RGS7: variants seen among roughly 807,000 people sequenced by gnomAD.
RGS7 encodes the protein regulator of G-protein signaling 7.
A neutral mutation model predicts 81.1 loss-of-function variants in RGS7; 27 were observed. That is an observed-to-expected ratio of 0.33 (90% CI 0.25 to 0.46). The LOEUF (loss-of-function observed/expected upper bound fraction) is 0.46. RGS7 is among the 20% of genes least tolerant of loss of function. RGS7 has a pLI of 1.00. For synonymous variants in RGS7, 208 were observed against 207.7 expected (o/e 1.00, Z -0.01); for missense variants, 396 against 607.4 (o/e 0.65, Z 3.66).
At chr1:241,125,804 G>A (rs1459900472) in intron 2 of RGS7, among the ~76,000 whole-genome samples, 3 of 152,188 alleles carry the variant, frequency 2.0e-5, no homozygotes, top group African/African-American at 7.2e-5. Context: ...GATCAGGGCA[G>A]GCATACATTA....
rs148843941 is a variant in RGS7, at chr1:241,329,383, T to C, written c.78+26316A>G. 2.5e-4 allele frequency among the ~76,000 whole-genome samples: 38 copies of C among 152,266 alleles called. No individual in the cohort carries two copies. In the East Asian group the frequency reaches 5.0e-3, roughly 20 times the overall value. On this transcript the variant is annotated intron_variant, in intron 2 of 18. Transcript: ENST00000440928. ...GTCAATAAGATCAGAACATGTACAA[T>C]AGTCAGTTGGTTGCTTACGGAGTTT...
intron 3 of RGS7, among the ~76,000 whole-genome samples, chr1:241,025,344 T>C (rs2059732085): frequency 6.6e-6 from 1 of 152,252 alleles, no homozygotes; most frequent in Non-Finnish European, 1.5e-5. Context: ...CACAGATCCA[T>C]GGGCTTTATA....
intron 4 of RGS7, among the ~76,000 whole-genome samples, chr1:240,950,071 C>A (rs547601098): frequency 2.0e-4 from 31 of 152,244 alleles, no homozygotes; most frequent in African/African-American, 6.7e-4. Flanking sequence ...GATCTACTTA[C>A]TTGGAGCAGA....
At chr1:241,278,640 T>G (rs548245800) in intron 2 of RGS7, among the ~76,000 whole-genome samples, 1 of 152,104 alleles carries the variant, frequency 6.6e-6, no homozygotes, top group Non-Finnish European at 1.5e-5. Flanking sequence ...ACCCACTGAG[T>G]ATCCCTTTTC....
At chr1:240,859,440 G>GTTTTTTTTTTTTTTTTTCTTT (rs1661754824) in intron 9 of RGS7, among the ~76,000 whole-genome samples, 1 of 110,828 alleles carries the variant, frequency 9.0e-6, no homozygotes. Flanking sequence ...TTTCTTTCCT[G>GTTTTTTTTTTTTTTTTTCTTT]TTTTTTTTTT....
chr1:240,831,630 C>CTTTTTTTTTTTT (rs767275119), intron 9 of RGS7, among the ~76,000 whole-genome samples: 1 of 135,400 alleles, frequency 7.4e-6, no homozygotes. Context: ...TCCAGACATC[C>CTTTTTTTTTTTT]TTTTTTTTTT....
chr1:241,220,962 G>GAAGAAGC (rs2074876687), intron 2 of RGS7, among the ~76,000 whole-genome samples: 2 of 47,220 alleles, frequency 4.2e-5, no homozygotes, highest in Non-Finnish European at 1.0e-4. Flanking sequence ...AGGAAGGAAG[G>GAAGAAGC]AAGGAAGGAA....
At chr1:241,317,581 A>C (rs1378101100) in intron 2 of RGS7, among the ~76,000 whole-genome samples, 1 of 152,162 alleles carries the variant, frequency 6.6e-6, no homozygotes, top group Non-Finnish European at 1.5e-5. Flanking sequence ...TCAAGGTCTC[A>C]CTGAGAACCC....
At chr1:241,334,724 G>A (rs550521812) in intron 2 of RGS7, among the ~76,000 whole-genome samples, 3 of 151,914 alleles carry the variant, frequency 2.0e-5, no homozygotes, top group South Asian at 4.2e-4. Flanking sequence ...CTTTGAATGC[G>A]GTGACCATTC....
chr1:241,183,388 A>G (rs1222704900), intron 2 of RGS7, among the ~76,000 whole-genome samples: 1 of 152,182 alleles, frequency 6.6e-6, no homozygotes, highest in African/African-American at 2.4e-5. Flanking sequence ...CAGGACTAGA[A>G]CCTTTCTGGC....
intron 2 of RGS7, among the ~76,000 whole-genome samples, chr1:241,134,937 G>T (rs2067389144): frequency 6.6e-6 from 1 of 150,520 alleles, no homozygotes; most frequent in Non-Finnish European, 1.5e-5. Flanking sequence ...ACCTACCCCG[G>T]CCGGAAGACA....
intron 1 of RGS7, among the ~76,000 whole-genome samples, chr1:241,356,456 C>T (rs146968181): frequency 8.7e-4 from 132 of 152,288 alleles, no homozygotes; most frequent in African/African-American, 3.1e-3. Flanking sequence ...TTCGGAAGTC[C>T]GGAGGTAATC....
chr1:241,108,404 G>A (rs2065279863), intron 2 of RGS7, among the ~76,000 whole-genome samples: 1 of 151,882 alleles, frequency 6.6e-6, no homozygotes, highest in South Asian at 2.1e-4. Flanking sequence ...TCACAGCTAT[G>A]AAAGACAGAA....
intron 9 of RGS7, among the ~76,000 whole-genome samples, chr1:240,841,214 G>C (rs1235997806): frequency 6.6e-6 from 1 of 152,204 alleles, no homozygotes; most frequent in East Asian, 1.9e-4. Context: ...TAGTTAAAAA[G>C]CAGGAAGACA....
chr1:240,804,873 T>G (rs1383813108), intron 15 of RGS7, among the ~76,000 whole-genome samples: 1 of 152,226 alleles, frequency 6.6e-6, no homozygotes, highest in African/African-American at 2.4e-5. Context: ...CAGTTGCTGA[T>G]TTCTTTAAAT....
chr1:241,079,394 T>C (rs1232452747), intron 3 of RGS7, among the ~76,000 whole-genome samples: 1 of 152,104 alleles, frequency 6.6e-6, no homozygotes, highest in Non-Finnish European at 1.5e-5. Context: ...AAAGCCGTTA[T>C]TAAGGATCAT....
At chr1:241,350,910 T>C (rs1450063485) in intron 2 of RGS7, among the ~76,000 whole-genome samples, 1 of 152,148 alleles carries the variant, frequency 6.6e-6, no homozygotes, top group East Asian at 1.9e-4. Context: ...AGACCAGTAA[T>C]ATCTGTGGCC....
chr1:240,967,776 T>G (rs1682578870), intron 4 of RGS7, among the ~76,000 whole-genome samples: 1 of 152,170 alleles, frequency 6.6e-6, no homozygotes, highest in Non-Finnish European at 1.5e-5. Flanking sequence ...GTGCTAGAAT[T>G]TTAGCTATGG....
chr1:241,293,692 GCTC>G, intron 2 of RGS7, among the ~76,000 whole-genome samples: 1 of 152,322 alleles, frequency 6.6e-6, no homozygotes, highest in Non-Finnish European at 1.5e-5. Context: ...ATTTAAAAAT[GCTC>G]ATCATCACTG....
Sources: allele counts gnomAD v4.1 joint callset (sites outside exome capture counted in the v4.1 genomes callset), GRCh38; gene constraint gnomAD v4.1.1; transcripts MANE v1.5; gene names NCBI Gene and HGNC (gene_info 2026-07-23, HGNC 2026-07-21).